The following FRMD6 variants were observed in gnomAD, a reference collection of about 807,000 sequenced individuals.
FRMD6 encodes FERM domain containing 6.
Under a neutral mutation model 73.2 loss-of-function variants are expected in FRMD6, and 37 were observed. That is an observed-to-expected ratio of 0.51 (90% CI 0.39 to 0.66). The LOEUF is 0.66. Ranked by LOEUF, FRMD6 falls within the 30% of genes least tolerant of loss-of-function variation. FRMD6 has a pLI of 0.00. For missense variants in FRMD6, 714 were observed against 780.5 expected (o/e 0.91, Z 1.02); for synonymous variants, 273 against 282.2 (o/e 0.97, Z 0.33).
At chr14:51,447,064 T>A in the FRMD6 span, among the ~76,000 whole-genome samples, 10,493 of 152,272 alleles carry the variant, frequency 0.069, 500 homozygotes, top group Non-Finnish European at 0.11. Context: ...TCTGTCCCGA[T>A]ATGAGTGGGC....
chr14:51,621,347 G>T (rs1467529), intron 2 of FRMD6, among the ~76,000 whole-genome samples: 97,195 of 151,976 alleles, frequency 0.64, 31,373 homozygotes, highest in African/African-American at 0.7. Flanking sequence ...GGAGCTTTTC[G>T]GCTTAGCTTT....
chr14:51,719,254 G>A (rs1897403907), intron 10 of FRMD6, among the ~76,000 whole-genome samples: 1 of 152,292 alleles, frequency 6.6e-6, no homozygotes, highest in African/African-American at 2.4e-5. Context: ...ACTTTGCAGT[G>A]TTGTGTGTTT....
rs1315782725 is a variant in FRMD6, at chr14:51,729,376, G to C, written c.*1347G>C. ...ATGAGAAAGGGCCATTTTTAAGACA[G>C]TTACCTGTTGTGCTGCTGTTACAAT... On this transcript the variant is annotated 3_prime_UTR_variant, in exon 14 of 14. Transcript: ENST00000344768. The C allele has an allele frequency of 2.6e-5, 4 of 152,602 alleles. No homozygotes were observed. The highest frequency in any genetic ancestry group is 6.5e-5 in the Admixed American group (1 of 15,278). The allele number at this position is 152,602 out of a possible 1,614,324, so 9.5% of individuals were successfully genotyped here.
At chr14:51,564,449 A>T (rs918044409) in intron 1 of FRMD6, among the ~76,000 whole-genome samples, 2 of 152,122 alleles carry the variant, frequency 1.3e-5, no homozygotes, top group African/African-American at 2.4e-5. Context: ...CCTCTTTGAG[A>T]AGAGAGGAAG....
intron 2 of FRMD6, among the ~76,000 whole-genome samples, chr14:51,598,986 G>A (rs553530376): frequency 6.6e-6 from 1 of 150,866 alleles, no homozygotes; most frequent in South Asian, 2.1e-4. Context: ...TTCCACGGTG[G>A]CTGGACTAAT....
intron 1 of FRMD6, among the ~76,000 whole-genome samples, chr14:51,687,077 C>G (rs1895211519): frequency 6.6e-6 from 1 of 152,102 alleles, no homozygotes; most frequent in Admixed American, 6.6e-5. Flanking sequence ...AATCCTCTTC[C>G]AGTCATCTTC....
intron 2 of FRMD6, among the ~76,000 whole-genome samples, chr14:51,695,404 A>G (rs958827714): frequency 1.3e-5 from 2 of 152,180 alleles, no homozygotes; most frequent in African/African-American, 4.8e-5. Context: ...CTTCTATAGG[A>G]CAGAAATCTA....
At chr14:51,718,106 C>T (rs188785459) in intron 10 of FRMD6, among the ~76,000 whole-genome samples, 34 of 152,308 alleles carry the variant, frequency 2.2e-4, no homozygotes, top group Middle Eastern at 3.4e-3. Flanking sequence ...TTGCATTTTA[C>T]ATTTCTTAGA....
At chr14:51,493,508 G>C (rs1255129630) in intron 1 of FRMD6, among the ~76,000 whole-genome samples, 1 of 152,114 alleles carries the variant, frequency 6.6e-6, no homozygotes, top group Non-Finnish European at 1.5e-5. Context: ...TCTCTTCCCT[G>C]CTGCCATGTC....
At chr14:51,427,170 G>A in the FRMD6 span, among the ~76,000 whole-genome samples, 2 of 152,148 alleles carry the variant, frequency 1.3e-5, no homozygotes, top group Non-Finnish European at 2.9e-5. Context: ...GTGGAAAATC[G>A]GTTTATCTCA....
chr14:51,679,964 G>A (rs946718686), intron 1 of FRMD6, among the ~76,000 whole-genome samples: 3 of 152,176 alleles, frequency 2.0e-5, no homozygotes, highest in Non-Finnish European at 2.9e-5. Flanking sequence ...TGCCAAAGAA[G>A]AAGGGGGAAG....
intron 1 of FRMD6, among the ~76,000 whole-genome samples, chr14:51,524,429 C>T (rs549337419): frequency 1.0e-3 from 158 of 151,854 alleles, no homozygotes; most frequent in African/African-American, 3.6e-3. Context: ...AGGTGTTTTG[C>T]GGGGAGCGGG....
rs371682680 is a variant in FRMD6, at chr14:51,500,484, GCTCCAGCCTGGGCGACACTGCA to G, written c.-210+11082_-210+11103del. Among the ~76,000 whole-genome samples the G allele has an allele frequency of 2.3e-3, 357 of 151,988 alleles. 3 individuals carry two copies. Among genetic ancestry groups the G allele is most frequent in the East Asian group, 0.018 (94 of 5,158 alleles). ...GGAGGTGGCAGTGAGCCAAGATCGT[GCTCCAGCCTGGGCGACACTGCA>G]CTCCAGCCTGGGCGACAGAGTGAGA... On this transcript the variant is annotated intron_variant, in intron 1 of 14. Coordinates refer to the FRMD6 transcript ENST00000356218.
chr14:51,547,752 C>T (rs1363820504), intron 1 of FRMD6: 1 of 151,880 alleles, frequency 6.6e-6, no homozygotes, highest in African/African-American at 2.4e-5. Context: ...ATCTTGTGGC[C>T]ATACCAAGGA....
chr14:51,486,934 C>T (rs1043218356), upstream of FRMD6, among the ~76,000 whole-genome samples: 12 of 87,896 alleles, frequency 1.4e-4, no homozygotes, highest in African/African-American at 4.3e-4. Flanking sequence ...GGGTATAAAA[C>T]CGTTTTTTTT....
chr14:51,417,860 T>C, the FRMD6 span, among the ~76,000 whole-genome samples: 3 of 152,202 alleles, frequency 2.0e-5, no homozygotes, highest in African/African-American at 7.2e-5. Context: ...TTTTTTACTC[T>C]TTTTTCTCTA....
At chr14:51,474,861 C>A in the FRMD6 span, among the ~76,000 whole-genome samples, 1 of 152,188 alleles carries the variant, frequency 6.6e-6, no homozygotes, top group South Asian at 2.1e-4. Flanking sequence ...TGGAGTCAAG[C>A]TATTAACACT....
chr14:51,705,809 T>C (rs1185695394), intron 6 of FRMD6, among the ~76,000 whole-genome samples: 1 of 152,156 alleles, frequency 6.6e-6, no homozygotes, highest in Non-Finnish European at 1.5e-5. Context: ...AAATTAAATA[T>C]GCACTACTTT....
At chr14:51,550,974 G>A (rs1306212956) in intron 1 of FRMD6, among the ~76,000 whole-genome samples, 1 of 152,144 alleles carries the variant, frequency 6.6e-6, no homozygotes, top group Non-Finnish European at 1.5e-5. Flanking sequence ...CTGTTTCTCT[G>A]TGTTGGATCT....
Sources: gnomAD v4.1 joint callset for allele counts (sites outside exome capture counted in the v4.1 genomes callset) on GRCh38, gnomAD v4.1.1 for gene constraint, MANE v1.5 for transcripts, NCBI Gene and HGNC (gene_info 2026-07-23, HGNC 2026-07-21) for gene names.